GARIN1B: variants seen among roughly 807,000 people sequenced by gnomAD.
GARIN1B encodes Golgi-associated RAB2 interactor protein 1B.
At chr7:128,729,878 A>C in the GARIN1B span, 1 of 1,607,376 alleles carries the variant, frequency 6.2e-7, no homozygotes. Context: ...CACACAAGCA[A>C]ATGCATTTCT....
chr7:128,723,094 A>C, the GARIN1B span: 32 of 1,378,976 alleles, frequency 2.3e-5, no homozygotes, highest in Non-Finnish European at 2.6e-5. Context: ...TGCACTTTGG[A>C]AAATTTTGAG....
At chr7:128,730,358 G>A in the GARIN1B span, among the ~76,000 whole-genome samples, 1 of 152,068 alleles carries the variant, frequency 6.6e-6, no homozygotes, top group Non-Finnish European at 1.5e-5. Context: ...CTCCCCATGT[G>A]GTCTTTCCTC....
chr7:128,723,966 G>T, the GARIN1B span, among the ~76,000 whole-genome samples: 1 of 152,158 alleles, frequency 6.6e-6, no homozygotes, highest in Admixed American at 6.5e-5. Flanking sequence ...GATAAGTTAG[G>T]TATACAGGTG....
chr7:128,720,123 C>G, the GARIN1B span, among the ~76,000 whole-genome samples: 14 of 151,774 alleles, frequency 9.2e-5, no homozygotes, highest in African/African-American at 3.1e-4. Flanking sequence ...TATGAATTGC[C>G]TTTCATTTTC....
At chr7:128,731,630 C>T in the GARIN1B span, 1 of 165,994 alleles carries the variant, frequency 6.0e-6, no homozygotes, top group African/African-American at 2.4e-5. Flanking sequence ...GAAATGTTTT[C>T]TTCCCTGCTC....
chr7:128,731,085 C>T, the GARIN1B span: 1 of 1,610,544 alleles, frequency 6.2e-7, no homozygotes, highest in Non-Finnish European at 8.5e-7. Context: ...ACACTTTTCT[C>T]TCCTACACTC....
chr7:128,711,114 A>T, the GARIN1B span, among the ~76,000 whole-genome samples: 1 of 152,030 alleles, frequency 6.6e-6, no homozygotes, highest in African/African-American at 2.4e-5. Context: ...TCCTGGGATC[A>T]TTATTCTTTT....
At chr7:128,721,460 T>C in the GARIN1B span, among the ~76,000 whole-genome samples, 11 of 152,262 alleles carry the variant, frequency 7.2e-5, no homozygotes, top group African/African-American at 2.6e-4. Context: ...ATTAACCTCA[T>C]TATACATTAT....
At chr7:128,726,969 G>A in the GARIN1B span, 2 of 1,065,412 alleles carry the variant, frequency 1.9e-6, no homozygotes, top group Non-Finnish European at 1.4e-6. Flanking sequence ...TCCTGGTGCT[G>A]TCAGTATTGC....
At chr7:128,712,074 T>G in the GARIN1B span, among the ~76,000 whole-genome samples, 3 of 152,118 alleles carry the variant, frequency 2.0e-5, no homozygotes, top group Admixed American at 6.5e-5. Flanking sequence ...AAAACCTTGC[T>G]GTATTTTCCA....
At chr7:128,726,951 C>T in the GARIN1B span, 3 of 1,237,972 alleles carry the variant, frequency 2.4e-6, no homozygotes, top group East Asian at 2.3e-5. Context: ...CAGCCCCCAT[C>T]CTGGTTGTCC....
At chr7:128,714,180 A>G in the GARIN1B span, 1 of 1,521,340 alleles carries the variant, frequency 6.6e-7, no homozygotes, top group Non-Finnish European at 8.8e-7. Flanking sequence ...TTATAATGAA[A>G]TACAAAAGTC....
At chr7:128,724,773 C>A in the GARIN1B span, 1 of 1,289,598 alleles carries the variant, frequency 7.8e-7, no homozygotes, top group Non-Finnish European at 1.0e-6. Flanking sequence ...CAACAGGAAC[C>A]AGTTGGACCA....
chr7:128,709,402 G>T, the GARIN1B span, among the ~76,000 whole-genome samples: 1 of 152,114 alleles, frequency 6.6e-6, no homozygotes, highest in South Asian at 2.1e-4. Context: ...ATGTTTAGTG[G>T]TCCAACTAAT....
the GARIN1B span, among the ~76,000 whole-genome samples, chr7:128,718,215 C>G: frequency 3.3e-5 from 5 of 151,978 alleles, no homozygotes; most frequent in Admixed American, 3.3e-4. Context: ...GGTGGATCGC[C>G]TAAGGTCAGG....
At chr7:128,723,941 T>C in the GARIN1B span, among the ~76,000 whole-genome samples, 4 of 152,230 alleles carry the variant, frequency 2.6e-5, no homozygotes, top group Non-Finnish European at 5.9e-5. Context: ...TGAAAAGTAG[T>C]TCTCCAACAA....
the GARIN1B span, chr7:128,723,453 C>G: frequency 9.1e-7 from 1 of 1,103,662 alleles, no homozygotes; most frequent in Non-Finnish European, 1.3e-6. Flanking sequence ...TGGCTCACGC[C>G]TGTATTCCCG....
At chr7:128,716,883 C>G in the GARIN1B span, 3 of 1,613,940 alleles carry the variant, frequency 1.9e-6, no homozygotes, top group East Asian at 2.2e-5. Flanking sequence ...GTGACCTCCT[C>G]GGTACCCTGC....
chr7:128,721,375 A>T, the GARIN1B span, among the ~76,000 whole-genome samples: 2 of 152,106 alleles, frequency 1.3e-5, no homozygotes, highest in Admixed American at 6.6e-5. Context: ...TGTGACCAGA[A>T]CTGTGTTTGT....
Sources: gnomAD v4.1 joint callset for allele counts (sites outside exome capture counted in the v4.1 genomes callset) on GRCh38, gnomAD v4.1.1 for gene constraint, MANE v1.5 for transcripts, NCBI Gene and HGNC (gene_info 2026-07-23, HGNC 2026-07-21) for gene names.